Variants in RGS7 observed in about 807,000 individuals in gnomAD.
The protein encoded by RGS7 is regulator of G-protein signaling 7.
A neutral mutation model predicts 81.1 loss-of-function variants in RGS7; 27 were observed. The observed-to-expected ratio is 0.33, with a 90% CI of 0.25 to 0.46. The LOEUF is 0.46. Ranked by LOEUF, RGS7 falls within the 20% of genes least tolerant of loss-of-function variation. The probability of loss-of-function intolerance (pLI) is 1.00; values close to 1 mark genes in which losing one functional copy is unlikely to be tolerated. For synonymous variants in RGS7, 208 were observed against 207.7 expected (o/e 1.00, Z -0.01); for missense variants, 396 against 607.4 (o/e 0.65, Z 3.66).
intron 2 of RGS7, among the ~76,000 whole-genome samples, chr1:241,188,544 T>C (rs2072331400): frequency 6.6e-6 from 1 of 152,204 alleles, no homozygotes; most frequent in African/African-American, 2.4e-5. Flanking sequence ...TTTTAATCCA[T>C]GGACATTTTA....
intron 3 of RGS7, among the ~76,000 whole-genome samples, chr1:241,010,985 C>T (rs639108): frequency 0.37 from 56,491 of 151,872 alleles, 12,081 homozygotes; most frequent in East Asian, 0.53. Flanking sequence ...GCAATCAACA[C>T]ACAGATTTTT....
intron 3 of RGS7, among the ~76,000 whole-genome samples, chr1:241,028,237 C>T (rs546585002): frequency 1.3e-4 from 20 of 152,146 alleles, no homozygotes; most frequent in Admixed American, 7.8e-4. Context: ...AAGAGGATGC[C>T]GATGGATAGA....
Position 240,880,167 on chromosome 1 carries a change from GA to G in RGS7, c.386-10049del, listed in dbSNP as rs1345305836. On this transcript the variant is annotated intron_variant, in intron 6 of 18. Transcript: ENST00000440928. ...AGTAATCCTCCTGCCTCAGCCTCCTGAATAGCTGAGACTCACAGGCACATGC... is the reference window on the plus strand; with the variant it reads ...AGTAATCCTCCTGCCTCAGCCTCCTGATAGCTGAGACTCACAGGCACATGC... 5.3e-5 allele frequency among the ~76,000 whole-genome samples: 8 copies of G among 152,256 alleles called. No individual in the cohort carries two copies. The East Asian group carries it at 1.5e-3, about 29-fold the overall frequency.
intron 3 of RGS7, among the ~76,000 whole-genome samples, chr1:241,053,411 C>T (rs964635504): frequency 6.6e-6 from 1 of 152,138 alleles, no homozygotes; most frequent in Non-Finnish European, 1.5e-5. Flanking sequence ...GAGACTTTTC[C>T]TAGAGTTTCT....
At chr1:240,830,429 T>A (rs1384204830) in intron 9 of RGS7, among the ~76,000 whole-genome samples, 1 of 152,214 alleles carries the variant, frequency 6.6e-6, no homozygotes, top group Non-Finnish European at 1.5e-5. Flanking sequence ...ATCTGGAAGA[T>A]GTTCTGGGGG....
intron 14 of RGS7, among the ~76,000 whole-genome samples, chr1:240,809,442 T>A (rs10802908): frequency 0.57 from 87,107 of 152,002 alleles, 25,727 homozygotes; most frequent in Non-Finnish European, 0.65. Context: ...CTGGACCATT[T>A]TGTCTCCTTC....
At chr1:241,276,257 G>A (rs553104768) in intron 2 of RGS7, among the ~76,000 whole-genome samples, 2 of 152,266 alleles carry the variant, frequency 1.3e-5, no homozygotes, top group African/African-American at 2.4e-5. Context: ...GACCTCATTC[G>A]TCCAATGTCC....
At chr1:241,131,736 T>G (rs2067117004) in intron 2 of RGS7, among the ~76,000 whole-genome samples, 1 of 152,162 alleles carries the variant, frequency 6.6e-6, no homozygotes, top group African/African-American at 2.4e-5. Context: ...ATTACAAATG[T>G]ACAAGCTGGA....
At chr1:240,866,364 A>G (rs1663253680) in intron 9 of RGS7, among the ~76,000 whole-genome samples, 1 of 152,144 alleles carries the variant, frequency 6.6e-6, no homozygotes, top group African/African-American at 2.4e-5. Flanking sequence ...ACAAAAAATT[A>G]GCCAGGCATG....
intron 4 of RGS7, among the ~76,000 whole-genome samples, chr1:240,955,968 G>A (rs972979968): frequency 2.6e-5 from 4 of 152,144 alleles, no homozygotes; most frequent in Non-Finnish European, 5.9e-5. Flanking sequence ...TGTAGCCCAC[G>A]ATGGGTTGTC....
chr1:240,878,743 A>T (rs1665895260), intron 6 of RGS7, among the ~76,000 whole-genome samples: 1 of 151,980 alleles, frequency 6.6e-6, no homozygotes, highest in African/African-American at 2.4e-5. Context: ...CACACAGAGG[A>T]TCAACAGTAC....
intron 2 of RGS7, among the ~76,000 whole-genome samples, chr1:241,255,778 T>C (rs1404571997): frequency 2.0e-5 from 3 of 152,212 alleles, no homozygotes; most frequent in Non-Finnish European, 4.4e-5. Context: ...ACTGGAAATA[T>C]GGTGGTTCCT....
chr1:240,857,379 G>T (rs566829440), intron 9 of RGS7, among the ~76,000 whole-genome samples: 77 of 152,122 alleles, frequency 5.1e-4, no homozygotes, highest in African/African-American at 1.8e-3. Context: ...AGCCAATATT[G>T]ATACATTAAT....
At chr1:241,283,711 C>T (rs1475024812) in intron 2 of RGS7, among the ~76,000 whole-genome samples, 1 of 152,126 alleles carries the variant, frequency 6.6e-6, no homozygotes, top group Non-Finnish European at 1.5e-5. Context: ...GAGTGTTTTT[C>T]TATCCAACCT....
intron 14 of RGS7, among the ~76,000 whole-genome samples, chr1:240,810,445 C>CTTTTT (rs5782164): frequency 8.0e-5 from 10 of 124,608 alleles, no homozygotes; most frequent in South Asian, 2.6e-4. Flanking sequence ...TTAATGCATT[C>CTTTTT]TTTTTTTTTT....
At chr1:241,277,395 G>A (rs572892843) in intron 2 of RGS7, among the ~76,000 whole-genome samples, 15 of 152,186 alleles carry the variant, frequency 9.9e-5, no homozygotes, top group South Asian at 8.3e-4. Flanking sequence ...CGAGGCGGGC[G>A]GATCACGTGG....
chr1:241,250,433 G>A (rs2076772185), intron 2 of RGS7, among the ~76,000 whole-genome samples: 2 of 151,698 alleles, frequency 1.3e-5, no homozygotes, highest in African/African-American at 2.4e-5. Flanking sequence ...TAAATACTAG[G>A]AGTCGCCAAT....
At chr1:241,330,257 C>G (rs2081891666) in intron 2 of RGS7, among the ~76,000 whole-genome samples, 1 of 152,182 alleles carries the variant, frequency 6.6e-6, no homozygotes, top group Non-Finnish European at 1.5e-5. Context: ...CAATTGCTAA[C>G]TCAAGTGAGG....
intron 6 of RGS7, among the ~76,000 whole-genome samples, chr1:240,921,297 A>C (rs1160700465): frequency 6.6e-6 from 1 of 151,510 alleles, no homozygotes; most frequent in Non-Finnish European, 1.5e-5. Flanking sequence ...ATCTATTATC[A>C]TGTGTAATCA....
Sources: allele counts gnomAD v4.1 joint callset (sites outside exome capture counted in the v4.1 genomes callset), GRCh38; gene constraint gnomAD v4.1.1; transcripts MANE v1.5; gene names NCBI Gene and HGNC (gene_info 2026-07-23, HGNC 2026-07-21).